The following PIGU variants were observed in gnomAD, a reference collection of about 807,000 sequenced individuals.
PIGU encodes the protein GPI-anchor transamidase component PIGU.
Under a neutral mutation model 49.9 loss-of-function variants are expected in PIGU, and 24 were observed. The observed-to-expected ratio is 0.48, with a 90% confidence interval of 0.35 to 0.68. The LOEUF (loss-of-function observed/expected upper bound fraction) is 0.68, where lower values mean the gene tolerates loss of function less well. Ranked by LOEUF, PIGU falls within the 30% of genes least tolerant of loss-of-function variation. The probability of loss-of-function intolerance (pLI) is 0.01; values close to 1 mark genes in which losing one functional copy is unlikely to be tolerated. For synonymous variants in PIGU, 220 were observed against 205.7 expected, an observed-to-expected ratio of 1.07 and a Z score of -0.59; for missense variants, 490 against 532.6, an observed-to-expected ratio of 0.92 and a Z score of 0.79.
At chr20:34,610,585 G>C (rs1000567416) in intron 7 of PIGU, among the ~76,000 whole-genome samples, 8 of 152,144 alleles carry the variant, frequency 5.3e-5, no homozygotes. Flanking sequence ...AAAATTCCTT[G>C]TTCATGGATA....
At chr20:34,584,899 G>A (rs1198511090) in intron 9 of PIGU, among the ~76,000 whole-genome samples, 1 of 152,164 alleles carries the variant, frequency 6.6e-6, no homozygotes, top group Non-Finnish European at 1.5e-5. Flanking sequence ...TATTGGTCAG[G>A]CTGATCTCCA....
intron 1 of PIGU, among the ~76,000 whole-genome samples, chr20:34,664,017 T>C (rs1250236586): frequency 6.6e-6 from 1 of 152,234 alleles, no homozygotes; most frequent in African/African-American, 2.4e-5. Context: ...ATACTGTATA[T>C]CAGTGGATTT....
chr20:34,634,554 G>T, intron 6 of PIGU, 61 bp downstream of exon 6: 1 of 1,515,030 alleles, frequency 6.6e-7, no homozygotes, highest in Non-Finnish European at 8.9e-7. Flanking sequence ...CACAGCACAA[G>T]TGTTGCAAAA....
chr20:34,647,689 C>A (rs1986402980), intron 2 of PIGU, among the ~76,000 whole-genome samples: 1 of 152,064 alleles, frequency 6.6e-6, no homozygotes, highest in Non-Finnish European at 1.5e-5. Context: ...TTTATAATTT[C>A]TTTCTGGCTT....
rs964000037 is a variant in PIGU, at chr20:34,567,967, G to A, written c.1195-6988C>T. The stretch of plus-strand genomic sequence containing the variant: ...CAGCCCAGCTCTGGGCTCCCAGCTC[G>A]TCAGGCTGCCCTGTCCTGCCCATGT... On this transcript the variant is annotated intron_variant, in intron 11 of 11. Transcript: ENST00000217446. Among the ~76,000 whole-genome samples the A allele has an allele frequency of 4.6e-5, 7 of 152,102 alleles. No homozygotes were observed. In the South Asian group the frequency reaches 1.2e-3, roughly 27 times the overall value.
At chr20:34,589,950 CT>C (rs1411572536) in intron 7 of PIGU, among the ~76,000 whole-genome samples, 2 of 152,110 alleles carry the variant, frequency 1.3e-5, no homozygotes, top group Non-Finnish European at 2.9e-5. Context: ...GCCACTGCGC[CT>C]GGCCTCACAT....
chr20:34,615,456 C>A (rs1049146357), intron 7 of PIGU, among the ~76,000 whole-genome samples: 3 of 152,162 alleles, frequency 2.0e-5, no homozygotes, highest in African/African-American at 7.2e-5. Context: ...AAGATAGTTG[C>A]GTTTGCAAAT....
intron 6 of PIGU, among the ~76,000 whole-genome samples, chr20:34,625,293 G>A (rs897366721): frequency 4.0e-5 from 6 of 151,484 alleles, no homozygotes; most frequent in African/African-American, 7.3e-5. Context: ...ACCTGAACCC[G>A]GGAGGCAGAG....
intron 7 of PIGU, among the ~76,000 whole-genome samples, chr20:34,611,947 T>C (rs1984832375): frequency 6.6e-6 from 1 of 152,244 alleles, no homozygotes; most frequent in South Asian, 2.1e-4. Context: ...TGGAAGACAG[T>C]GTGGCGATTC....
At chr20:34,612,621 T>C (rs1282038211) in intron 7 of PIGU, among the ~76,000 whole-genome samples, 1 of 148,362 alleles carries the variant, frequency 6.7e-6, no homozygotes. Flanking sequence ...TTCCTTTTCT[T>C]TTTTTTTTTT....
At chr20:34,568,870 G>A (rs1399679929) in intron 11 of PIGU, among the ~76,000 whole-genome samples, 1 of 152,204 alleles carries the variant, frequency 6.6e-6, no homozygotes, top group East Asian at 1.9e-4. Flanking sequence ...CAAATAGGCA[G>A]TGGCTTGAGG....
rs559701697 is a variant in PIGU, at chr20:34,606,704, TAA to T, written c.627+9336_627+9337del. 7.7e-4 allele frequency among the ~76,000 whole-genome samples: 117 copies of T among 152,308 alleles called. 1 individual carries two copies. The highest frequency in any genetic ancestry group is 2.5e-3 in the South Asian group (12 of 4,828). On this transcript the variant is annotated intron_variant, in intron 7 of 11. Transcript: ENST00000217446. ...TGTCAAGTTGTTCCACTATAAGTGA[TAA>T]GAGTTGGATTACTTAGCTACAGAAT...
chr20:34,598,203 T>C (rs921015727), intron 7 of PIGU, among the ~76,000 whole-genome samples: 2 of 152,202 alleles, frequency 1.3e-5, no homozygotes, highest in African/African-American at 4.8e-5. Flanking sequence ...TGCTTTATTA[T>C]GTTTTAAACT....
intron 10 of PIGU, among the ~76,000 whole-genome samples, chr20:34,579,620 C>T (rs1983379179): frequency 6.6e-6 from 1 of 152,178 alleles, no homozygotes; most frequent in Non-Finnish European, 1.5e-5. Context: ...CACGTGTACT[C>T]CCTGCTGCAG....
At chr20:34,658,901 T>TG (rs1207284759) in intron 1 of PIGU, among the ~76,000 whole-genome samples, 1 of 141,942 alleles carries the variant, frequency 7.0e-6, no homozygotes, top group South Asian at 2.3e-4. Flanking sequence ...AGGAGGGAGG[T>TG]GGGGGTCAAC....
chr20:34,672,879 A>T (rs1399027322), intron 1 of PIGU, among the ~76,000 whole-genome samples: 1 of 150,350 alleles, frequency 6.7e-6, no homozygotes, highest in Non-Finnish European at 1.5e-5. Context: ...AAAAAAAAAA[A>T]ATCAGTCCAT....
chr20:34,610,754 C>T (rs1433926982), intron 7 of PIGU, among the ~76,000 whole-genome samples: 1 of 152,110 alleles, frequency 6.6e-6, no homozygotes, highest in Admixed American at 6.6e-5. Flanking sequence ...CCAAGACAAT[C>T]CTAAGCAAAA....
chr20:34,606,223 C>A (rs1366489131), intron 7 of PIGU, among the ~76,000 whole-genome samples: 2 of 148,882 alleles, frequency 1.3e-5, no homozygotes, highest in South Asian at 2.1e-4. Context: ...CCACTGTACT[C>A]CAGCCTAGGC....
chr20:34,576,582 C>G (rs189827945), intron 10 of PIGU, among the ~76,000 whole-genome samples: 2 of 152,262 alleles, frequency 1.3e-5, no homozygotes, highest in Admixed American at 1.3e-4. Flanking sequence ...TTGCATCACT[C>G]AGACCTTCTC....
Sources: allele counts gnomAD v4.1 joint callset (sites outside exome capture counted in the v4.1 genomes callset), GRCh38; gene constraint gnomAD v4.1.1; transcripts MANE v1.5; gene names NCBI Gene and HGNC (gene_info 2026-07-23, HGNC 2026-07-21).